TENM2: variants seen among roughly 807,000 people sequenced by gnomAD.
The protein encoded by TENM2 is teneurin-2.
Under a neutral mutation model 245.2 loss-of-function variants are expected in TENM2, and 52 were observed. The observed-to-expected ratio is 0.21, with a 90% CI of 0.17 to 0.27. The LOEUF is 0.27. Ranked by LOEUF, TENM2 falls within the 10% of genes least tolerant of loss-of-function variation. The probability of loss-of-function intolerance (pLI) is 1.00; values close to 1 mark genes in which losing one functional copy is unlikely to be tolerated. For missense variants in TENM2, 3,046 were observed against 3,666.8 expected (o/e 0.83, Z 4.37); for synonymous variants, 1,363 against 1,438.9 (o/e 0.95, Z 1.19).
chr5:167,638,875 G>A (rs1779382192), intron 2 of TENM2, among the ~76,000 whole-genome samples: 1 of 152,158 alleles, frequency 6.6e-6, no homozygotes, highest in African/African-American at 2.4e-5. Context: ...CTAAGTAATC[G>A]CTGAAAAGAA....
chr5:168,086,551 A>G (rs1247557106), intron 7 of TENM2, among the ~76,000 whole-genome samples: 1 of 152,140 alleles, frequency 6.6e-6, no homozygotes, highest in Non-Finnish European at 1.5e-5. Context: ...GGTGGCTGCA[A>G]GAGACACAAG....
chr5:167,344,325 T>TATATATAG (rs1554136995), intron 1 of TENM2, among the ~76,000 whole-genome samples: 4 of 143,534 alleles, frequency 2.8e-5, no homozygotes, highest in African/African-American at 1.0e-4. Context: ...TATATATATA[T>TATATATAG]ATATAGATAT....
intron 13 of TENM2, among the ~76,000 whole-genome samples, chr5:168,171,400 T>C (rs1485710087): frequency 2.0e-5 from 3 of 152,232 alleles, no homozygotes; most frequent in Non-Finnish European, 4.4e-5. Flanking sequence ...TTTAAAACCA[T>C]TGGCTCCTTT....
chr5:168,179,433 G>C (rs1200746038), intron 13 of TENM2, among the ~76,000 whole-genome samples: 1 of 152,206 alleles, frequency 6.6e-6, no homozygotes, highest in Non-Finnish European at 1.5e-5. Flanking sequence ...GTGTGAACTG[G>C]ATGAAGCTAG....
the TENM2 span, among the ~76,000 whole-genome samples, chr5:167,228,732 T>C: frequency 6.7e-6 from 1 of 150,304 alleles, no homozygotes; most frequent in Non-Finnish European, 1.5e-5. Flanking sequence ...TGAGATGGAG[T>C]CTCGCTCTGT....
chr5:167,186,612 C>T, the TENM2 span, among the ~76,000 whole-genome samples: 1 of 152,186 alleles, frequency 6.6e-6, no homozygotes, highest in Non-Finnish European at 1.5e-5. Flanking sequence ...GTTGGCTTCT[C>T]TGCCAGTCAC....
chr5:167,327,954 A>T (rs921018043), intron 1 of TENM2, among the ~76,000 whole-genome samples: 1 of 152,176 alleles, frequency 6.6e-6, no homozygotes, highest in Non-Finnish European at 1.5e-5. Flanking sequence ...AGATTAAAAG[A>T]TGATGGTGAT....
intron 1 of TENM2, among the ~76,000 whole-genome samples, chr5:167,314,417 G>T (rs924572543): frequency 6.6e-5 from 10 of 152,172 alleles, no homozygotes; most frequent in African/African-American, 2.4e-4. Flanking sequence ...TTTTATAGAT[G>T]ACAAATTAAA....
chr5:167,996,102 G>A (rs760328883), intron 5 of TENM2, among the ~76,000 whole-genome samples: 3 of 152,098 alleles, frequency 2.0e-5, no homozygotes, highest in Non-Finnish European at 4.4e-5. Context: ...TCATCCTTGC[G>A]TGTTCAAACC....
At chr5:168,193,311 C>T (rs952789337) in intron 14 of TENM2, among the ~76,000 whole-genome samples, 3 of 152,100 alleles carry the variant, frequency 2.0e-5, no homozygotes, top group African/African-American at 4.8e-5. Flanking sequence ...AAAAAGAACT[C>T]GAAAATTCAA....
Position 168,184,471 on chromosome 5 carries a change from G to A in TENM2, c.2570-5866G>A, listed in dbSNP as rs541456496. 5.9e-5 allele frequency among the ~76,000 whole-genome samples: 9 copies of A among 152,308 alleles called. No homozygotes were observed. In the South Asian group the frequency reaches 1.9e-3, roughly 32 times the overall value. ...AGCCTTTAATACCTAGGAAAGCCATGGAGTTCATGCACATTGGAGAGAGAC... is the reference window on the plus strand; with the variant it reads ...AGCCTTTAATACCTAGGAAAGCCATAGAGTTCATGCACATTGGAGAGAGAC... On this transcript the variant is annotated intron_variant, in intron 13 of 28. Transcript: ENST00000518659.
At chr5:167,477,833 G>GTTTA (rs1767492465) in intron 2 of TENM2, among the ~76,000 whole-genome samples, 1 of 152,110 alleles carries the variant, frequency 6.6e-6, no homozygotes, top group African/African-American at 2.4e-5. Context: ...ATGGAAGGAG[G>GTTTA]AAAGGAGGGC....
chr5:168,211,237 C>T (rs1457014799), intron 19 of TENM2, among the ~76,000 whole-genome samples: 1 of 152,192 alleles, frequency 6.6e-6, no homozygotes, highest in African/African-American at 2.4e-5. Flanking sequence ...CTCATTCTAC[C>T]CTGAAATGCA....
At chr5:167,283,473 A>C (rs2127706771), upstream of TENM2, among the ~76,000 whole-genome samples, 1 of 152,280 alleles carries the variant, frequency 6.6e-6, no homozygotes, top group Non-Finnish European at 1.5e-5. Context: ...GTGTGAAAAA[A>C]CAAGGGAGGG....
intron 2 of TENM2, among the ~76,000 whole-genome samples, chr5:167,640,852 TATATATCC>T (rs1481598596): frequency 2.6e-5 from 2 of 76,868 alleles, no homozygotes; most frequent in African/African-American, 5.0e-5. Context: ...CATATATATA[TATATATCC>T]ATATATATAT....
rs1554182322 is a variant in TENM2, at chr5:168,030,168, T to TTTTTTTTTTTTTTTTTC, written c.1187-17243_1187-17242insCTTTTTTTTTTTTTTTT. ...AGTCTGGTTCTGGCTCTTTTTTTTT[T>TTTTTTTTTTTTTTTTTC]TTTTTTTTTTTTTTTTTTTCATCTT... On this transcript the variant is annotated intron_variant, in intron 5 of 28. Coordinates refer to ENST00000518659, the Ensembl canonical transcript of TENM2. Among the ~76,000 whole-genome samples the TTTTTTTTTTTTTTTTTC allele has an allele frequency of 7.4e-4, 63 of 84,692 alleles. 5 individuals are homozygous for TTTTTTTTTTTTTTTTTC. The highest frequency in any genetic ancestry group is 1.4e-3 in the South Asian group (3 of 2,072). The allele number at this position is 84,692 out of a possible 152,430, so 55.6% of individuals were successfully genotyped here.
At chr5:167,414,183 C>T (rs1007857861) in intron 2 of TENM2, among the ~76,000 whole-genome samples, 7 of 152,028 alleles carry the variant, frequency 4.6e-5, no homozygotes, top group Admixed American at 2.6e-4. Context: ...CAGGTAGATA[C>T]GGACTTTTTG....
intron 2 of TENM2, among the ~76,000 whole-genome samples, chr5:167,517,740 C>T (rs1262182738): frequency 2.6e-5 from 4 of 152,118 alleles, no homozygotes; most frequent in Non-Finnish European, 4.4e-5. Flanking sequence ...TGCCTGGATC[C>T]TTTACCAGAT....
At chr5:167,481,500 A>G (rs1417544699) in intron 2 of TENM2, among the ~76,000 whole-genome samples, 1 of 152,140 alleles carries the variant, frequency 6.6e-6, no homozygotes, top group Non-Finnish European at 1.5e-5. Context: ...CTTCCATACT[A>G]CAAAGGCACG....
Sources: allele counts gnomAD v4.1 joint callset (sites outside exome capture counted in the v4.1 genomes callset), GRCh38; gene constraint gnomAD v4.1.1; transcripts MANE v1.5; gene names NCBI Gene and HGNC (gene_info 2026-07-23, HGNC 2026-07-21).